The following THSD7A variants were observed in gnomAD, a reference collection of about 807,000 sequenced individuals.
THSD7A encodes the protein thrombospondin type 1 domain containing 7A.
Under a neutral mutation model 231.3 loss-of-function variants are expected in THSD7A, and 96 were observed. The observed-to-expected ratio is 0.41, with a 90% CI of 0.35 to 0.49. The LOEUF (loss-of-function observed/expected upper bound fraction) is 0.49, where lower values mean the gene tolerates loss of function less well. Among genes scored for constraint, THSD7A ranks in the 20% least tolerant of loss-of-function variants. The pLI, the probability that THSD7A is intolerant of heterozygous loss-of-function variation, is 0.05. For missense variants in THSD7A, 2,290 were observed against 2,070.2 expected, an observed-to-expected ratio of 1.11 and a Z score of -2.06; for synonymous variants, 940 against 743.3, an observed-to-expected ratio of 1.26 and a Z score of -4.30.
At chr7:11,626,197 C>G (rs1357357424) in intron 2 of THSD7A, among the ~76,000 whole-genome samples, 1 of 152,106 alleles carries the variant, frequency 6.6e-6, no homozygotes, top group African/African-American at 2.4e-5. Context: ...AAATAACCAA[C>G]AGTGCATTGT....
chr7:11,472,046 G>C (rs1472137887), intron 8 of THSD7A, among the ~76,000 whole-genome samples: 1 of 152,088 alleles, frequency 6.6e-6, no homozygotes, highest in African/African-American at 2.4e-5. Flanking sequence ...GTCACAGCAA[G>C]ATACTTGGCT....
chr7:11,456,822 A>G (rs1785324380), intron 11 of THSD7A, among the ~76,000 whole-genome samples: 1 of 152,030 alleles, frequency 6.6e-6, no homozygotes, highest in Non-Finnish European at 1.5e-5. Flanking sequence ...CTCACAGGCC[A>G]TATAGTTTAC....
chr7:11,457,758 G>A (rs539151700), intron 11 of THSD7A, among the ~76,000 whole-genome samples: 12 of 151,990 alleles, frequency 7.9e-5, no homozygotes, highest in African/African-American at 2.7e-4. Context: ...CACATTTAAT[G>A]TTTTTGTTTT....
chr7:11,753,213 A>C lies in THSD7A; in HGVS notation c.190+78544T>G, dbSNP rs145741023. Among the ~76,000 whole-genome samples, 980 of 152,136 alleles carry C rather than the reference A, an allele frequency of 6.4e-3. 9 individuals carry two copies. The highest frequency in any genetic ancestry group is 0.023 in the African/African-American group (939 of 41,540). ...CTCTTTAATCAATTTGTTTGTTTGA[A>C]GCTTATATGAAAATTATTGTTTTCC... On this transcript the variant is annotated intron_variant, in intron 1 of 27. Transcript: ENST00000423059.
intron 1 of THSD7A, among the ~76,000 whole-genome samples, chr7:11,748,816 T>C (rs993260875): frequency 6.6e-6 from 1 of 151,984 alleles, no homozygotes; most frequent in Non-Finnish European, 1.5e-5. Context: ...TACAAACTTA[T>C]AAATTATTTT....
At chr7:11,454,386 G>A (rs1372453166) in intron 11 of THSD7A, among the ~76,000 whole-genome samples, 1 of 151,500 alleles carries the variant, frequency 6.6e-6, no homozygotes, top group Non-Finnish European at 1.5e-5. Context: ...TTTTTTTAAT[G>A]AGAAAAAGAA....
chr7:11,466,872 C>A (rs1295172169), intron 9 of THSD7A, among the ~76,000 whole-genome samples: 1 of 152,018 alleles, frequency 6.6e-6, no homozygotes, highest in Non-Finnish European at 1.5e-5. Flanking sequence ...GGTTTCCTAC[C>A]TTCCCCCAAG....
intron 1 of THSD7A, among the ~76,000 whole-genome samples, chr7:11,662,935 C>A: frequency 1.3e-5 from 2 of 151,188 alleles, no homozygotes; most frequent in African/African-American, 2.4e-5. Context: ...CATTTAAATG[C>A]TTAAGTTATA....
intron 17 of THSD7A, among the ~76,000 whole-genome samples, chr7:11,416,682 A>G (rs941437861): frequency 3.0e-4 from 45 of 152,200 alleles, no homozygotes; most frequent in African/African-American, 1.1e-3. Context: ...AAATAATTCC[A>G]TATTAGTTAT....
chr7:11,770,141 AT>A (rs945202130), intron 1 of THSD7A, among the ~76,000 whole-genome samples: 1 of 152,154 alleles, frequency 6.6e-6, no homozygotes, highest in African/African-American at 2.4e-5. Flanking sequence ...TTCATCATAC[AT>A]TTTTTAATAA....
At chr7:11,633,653 G>C (rs1394648558) in intron 2 of THSD7A, among the ~76,000 whole-genome samples, 1 of 152,084 alleles carries the variant, frequency 6.6e-6, no homozygotes, top group Non-Finnish European at 1.5e-5. Context: ...ATCAACTGTG[G>C]TTTGGGACTG....
intron 6 of THSD7A, among the ~76,000 whole-genome samples, chr7:11,491,837 C>T (rs1227842497): frequency 3.9e-5 from 6 of 152,088 alleles, no homozygotes; most frequent in African/African-American, 1.4e-4. Context: ...CTTATGAGTT[C>T]TAATCTCAAG....
chr7:11,749,181 T>C (rs1045750807), intron 1 of THSD7A, among the ~76,000 whole-genome samples: 3 of 152,002 alleles, frequency 2.0e-5, no homozygotes, highest in Non-Finnish European at 4.4e-5. Flanking sequence ...TGAGGCTGTT[T>C]TCAGTGCTCC....
chr7:11,501,156 C>T (rs1046378214), intron 6 of THSD7A, among the ~76,000 whole-genome samples: 1 of 152,058 alleles, frequency 6.6e-6, no homozygotes, highest in African/African-American at 2.4e-5. Flanking sequence ...TACAAAGAGA[C>T]ATAGACTCCC....
chr7:11,817,813 T>A (rs542404515), intron 1 of THSD7A, among the ~76,000 whole-genome samples: 3 of 152,166 alleles, frequency 2.0e-5, no homozygotes, highest in Non-Finnish European at 4.4e-5. Flanking sequence ...TCCTAATAAA[T>A]AACAAAATTA....
Position 11,681,567 on chromosome 7 carries a change from AT to A in THSD7A, c.191-44607del, listed in dbSNP as rs145602827. 3.9e-3 allele frequency among the ~76,000 whole-genome samples: 591 copies of A among 151,652 alleles called. 6 individuals carry two copies. Among genetic ancestry groups the A allele is most frequent in the African/African-American group, 0.013 (540 of 41,394 alleles). On this transcript the variant is annotated intron_variant, in intron 1 of 27. Transcript: ENST00000423059. The stretch of plus-strand genomic sequence containing the variant: ...TTCAGAGAAAAATGAAGACAAAATA[AT>A]TTTTTTTTAAGAAGACAAAATTTTC...
chr7:11,601,281 A>C (rs1359450362), intron 2 of THSD7A, among the ~76,000 whole-genome samples: 1 of 152,136 alleles, frequency 6.6e-6, no homozygotes, highest in Non-Finnish European at 1.5e-5. Context: ...AGAGACTATG[A>C]CTATTGGTTG....
intron 1 of THSD7A, among the ~76,000 whole-genome samples, chr7:11,664,547 A>T (rs769539242): frequency 1.3e-5 from 2 of 152,060 alleles, no homozygotes; most frequent in African/African-American, 2.4e-5. Flanking sequence ...TTAGTCAGTC[A>T]GTAAAGAGCA....
At chr7:11,652,763 G>T (rs980783003) in intron 1 of THSD7A, among the ~76,000 whole-genome samples, 4 of 151,920 alleles carry the variant, frequency 2.6e-5, no homozygotes, top group African/African-American at 9.7e-5. Flanking sequence ...TGTGTCTAAA[G>T]AAACTGAATT....
Sources: gnomAD v4.1 joint callset for allele counts (sites outside exome capture counted in the v4.1 genomes callset) on GRCh38, gnomAD v4.1.1 for gene constraint, MANE v1.5 for transcripts, NCBI Gene and HGNC (gene_info 2026-07-23, HGNC 2026-07-21) for gene names.